GPR149: variants seen among roughly 807,000 people sequenced by gnomAD.
GPR149 encodes probable G protein-coupled receptor 149.
In GPR149, 50 loss-of-function variants were observed where a neutral mutation model predicts 50.2. That is an observed-to-expected ratio of 1.00 (90% CI 0.79 to 1.26). GPR149 has a LOEUF of 1.26. GPR149 is among the 50% of genes most tolerant of loss of function. GPR149 has a pLI of 0.00. For missense variants in GPR149, 983 were observed against 895.4 expected, an observed-to-expected ratio of 1.10 and a Z score of -1.25; for synonymous variants, 405 against 358.2, an observed-to-expected ratio of 1.13 and a Z score of -1.48.
intron 3 of GPR149, among the ~76,000 whole-genome samples, chr3:154,351,311 T>TGCAAAAAAAAAAAA (rs1341107044): frequency 1.0e-4 from 2 of 19,710 alleles, no homozygotes; most frequent in Non-Finnish European, 8.8e-5. Context: ...GACATCCACA[T>TGCAAAAAAAAAAAA]ACAAAAAAAA....
At chr3:154,338,511 T>C (rs977326327) in intron 3 of GPR149, among the ~76,000 whole-genome samples, 1 of 152,180 alleles carries the variant, frequency 6.6e-6, no homozygotes. Flanking sequence ...ATGAGGGGCA[T>C]ATTTCCCCAG....
intron 3 of GPR149, among the ~76,000 whole-genome samples, chr3:154,414,078 T>C (rs1300532324): frequency 1.3e-5 from 2 of 151,882 alleles, no homozygotes; most frequent in Non-Finnish European, 2.9e-5. Context: ...TCAAACATCA[T>C]ACGTTCTCAT....
intron 3 of GPR149, among the ~76,000 whole-genome samples, chr3:154,415,987 T>G (rs966881989): frequency 4.0e-5 from 6 of 151,896 alleles, no homozygotes; most frequent in Admixed American, 1.3e-4. Flanking sequence ...TCTAGTATGG[T>G]CATTTCAGTT....
Position 154,429,351 on chromosome 3 carries a change from T to A in GPR149, c.265A>T (p.Met89Leu), listed in dbSNP as rs758606538. The change falls in exon 1 of 4, where the codon ATG (methionine) becomes TTG (leucine). Residue 89 changes from methionine to leucine, a missense_variant. Coordinates refer to ENST00000389740, the MANE Select transcript of GPR149 (RefSeq NM_001038705.3). ...ACCTCGTTTGGCCACTGCAAAAACATGAAGATGGTCACCGACAGGACGCTC... is the reference window on the plus strand; with the variant it reads ...ACCTCGTTTGGCCACTGCAAAAACAAGAAGATGGTCACCGACAGGACGCTC... The part of the protein sequence containing the change: ...LMSVLSVTIF[M>L]FLQWPNEVPG... 102 of 1,614,030 alleles carry A rather than the reference T, an allele frequency of 6.3e-5. 1 individual carries two copies. The Admixed American group carries it at 1.7e-3, about 27-fold the overall frequency.
intron 3 of GPR149, among the ~76,000 whole-genome samples, chr3:154,418,770 C>A (rs1465868145): frequency 6.6e-6 from 1 of 151,264 alleles, no homozygotes; most frequent in East Asian, 1.9e-4. Flanking sequence ...ACATATGTAA[C>A]TAACCTGCAC....
intron 3 of GPR149, among the ~76,000 whole-genome samples, chr3:154,354,530 T>C (rs926773769): frequency 1.3e-5 from 2 of 152,192 alleles, no homozygotes; most frequent in African/African-American, 4.8e-5. Flanking sequence ...TCCAGCACCC[T>C]GTGATCCTCT....
intron 3 of GPR149, among the ~76,000 whole-genome samples, chr3:154,347,811 T>C (rs1047712089): frequency 4.6e-5 from 7 of 152,106 alleles, no homozygotes; most frequent in Admixed American, 2.6e-4. Flanking sequence ...GGAGCACCAA[T>C]AGAAGGTTTT....
chr3:154,380,166 CAGAGAGAGAGAGAGAG>C (rs57858107), intron 3 of GPR149, among the ~76,000 whole-genome samples: 28 of 133,696 alleles, frequency 2.1e-4, no homozygotes, highest in African/African-American at 5.0e-4. Context: ...GTGAGAGAGA[CAGAGAGAGAGAGAGAG>C]AGAGAGAGAG....
intron 3 of GPR149, among the ~76,000 whole-genome samples, chr3:154,418,862 A>C (rs1314678313): frequency 6.6e-6 from 1 of 152,112 alleles, no homozygotes; most frequent in Non-Finnish European, 1.5e-5. Flanking sequence ...CTTTCAAAAA[A>C]AAAGAACCTT....
rs1713625019 is a variant in GPR149 at position 154,335,172 on chromosome 3, T to A, written c.*2527A>T. 6.6e-6 allele frequency: 1 copy of A among 152,058 alleles called. No homozygotes were observed. The highest frequency in any genetic ancestry group is 2.1e-4 in the South Asian group (1 of 4,818). 9.4% of individuals were successfully genotyped at this position (152,058 alleles called of 1,614,324 possible). On this transcript the variant is annotated 3_prime_UTR_variant, in exon 4 of 4. Transcript: ENST00000389740. ...GTTTTTGCCTTCAGATACATCAATT[T>A]ATAGAGAAAAGAGAAAACTATACAA...
intron 3 of GPR149, among the ~76,000 whole-genome samples, chr3:154,382,703 T>G (rs1420315317): frequency 1.3e-5 from 2 of 152,224 alleles, no homozygotes; most frequent in African/African-American, 2.4e-5. Flanking sequence ...AATAGGTTCA[T>G]GAGAATATTC....
chr3:154,399,804 A>G (rs1711506973), intron 3 of GPR149, among the ~76,000 whole-genome samples: 2 of 152,146 alleles, frequency 1.3e-5, no homozygotes, highest in Admixed American at 1.3e-4. Context: ...TGTTACAAAC[A>G]CCTAAATCAC....
intron 3 of GPR149, among the ~76,000 whole-genome samples, chr3:154,381,667 C>T (rs1194797605): frequency 6.6e-6 from 1 of 151,848 alleles, no homozygotes; most frequent in Non-Finnish European, 1.5e-5. Context: ...TGAGGATCTG[C>T]AAGGTAAAAA....
At chr3:154,352,725 A>G (rs1190803795) in intron 3 of GPR149, 7 of 786,326 alleles carry the variant, frequency 8.9e-6, no homozygotes, top group Non-Finnish European at 1.6e-5. Flanking sequence ...CAGCAGCATA[A>G]GAAACGGAAG....
intron 3 of GPR149, among the ~76,000 whole-genome samples, chr3:154,343,906 G>A (rs1313549264): frequency 6.6e-6 from 1 of 151,940 alleles, no homozygotes; most frequent in African/African-American, 2.4e-5. Context: ...TTGAGCCCGG[G>A]AGATAGAGGC....
At chr3:154,358,137 T>C (rs1236368507) in intron 3 of GPR149, among the ~76,000 whole-genome samples, 3 of 151,418 alleles carry the variant, frequency 2.0e-5, no homozygotes, top group Admixed American at 6.6e-5. Flanking sequence ...CTGGGGCCTG[T>C]TGTGGGGTGG....
intron 3 of GPR149, among the ~76,000 whole-genome samples, chr3:154,368,352 C>A (rs1371862082): frequency 6.6e-6 from 1 of 152,210 alleles, no homozygotes; most frequent in South Asian, 2.1e-4. Context: ...GATCCCTCTT[C>A]ATGGTACCTT....
intron 3 of GPR149, among the ~76,000 whole-genome samples, chr3:154,340,485 A>T (rs1263953953): frequency 1.3e-5 from 2 of 152,218 alleles, no homozygotes; most frequent in Non-Finnish European, 2.9e-5. Flanking sequence ...ACATTTGCTA[A>T]GTAAGGATGT....
intron 3 of GPR149, among the ~76,000 whole-genome samples, chr3:154,364,369 A>T (rs1293520534): frequency 4.6e-5 from 7 of 152,228 alleles, no homozygotes; most frequent in Non-Finnish European, 7.3e-5. Flanking sequence ...GAAATACATC[A>T]TTCCATTCCA....
Sources: gnomAD v4.1 joint callset for allele counts (sites outside exome capture counted in the v4.1 genomes callset) on GRCh38, gnomAD v4.1.1 for gene constraint, MANE v1.5 for transcripts, NCBI Gene and HGNC (gene_info 2026-07-23, HGNC 2026-07-21) for gene names.